Variants in ERGIC1 observed in about 807,000 individuals in gnomAD.
ERGIC1 encodes the protein endoplasmic reticulum-golgi intermediate compartment 1.
In ERGIC1, 19 loss-of-function variants were observed where a neutral mutation model predicts 38.3. The ratio of observed to expected loss-of-function variants is 0.50; its 90% confidence interval spans 0.35 to 0.73. ERGIC1 has a LOEUF of 0.73. ERGIC1 is among the 30% of genes least tolerant of loss of function. The probability of loss-of-function intolerance (pLI) is 0.01; values close to 1 mark genes in which losing one functional copy is unlikely to be tolerated. For synonymous variants in ERGIC1, 124 were observed against 157.6 expected (o/e 0.79, Z 1.60); for missense variants, 294 against 389.2 (o/e 0.76, Z 2.06).
chr5:172,849,221 C>G (rs1761346112), intron 1 of ERGIC1, among the ~76,000 whole-genome samples: 1 of 152,174 alleles, frequency 6.6e-6, no homozygotes, highest in African/African-American at 2.4e-5. Context: ...GTTAGATCAC[C>G]TAACCCTGGA....
intron 9 of ERGIC1, among the ~76,000 whole-genome samples, chr5:172,943,608 TC>T (rs1267316947): frequency 6.6e-6 from 1 of 152,186 alleles, no homozygotes; most frequent in Non-Finnish European, 1.5e-5. Flanking sequence ...GACAGTGTCA[TC>T]CCGGTCCCTG....
At chr5:172,880,029 C>T (rs1762242063) in intron 1 of ERGIC1, among the ~76,000 whole-genome samples, 2 of 152,184 alleles carry the variant, frequency 1.3e-5, no homozygotes, top group South Asian at 4.2e-4. Context: ...TATTTATTTA[C>T]TTTATTATTT....
At chr5:172,934,753 A>G (rs970657548) in intron 8 of ERGIC1, 12 of 231,268 alleles carry the variant, frequency 5.2e-5, no homozygotes, top group Non-Finnish European at 8.0e-5. Flanking sequence ...CCTCTGGGTA[A>G]AGGGCAGGAC....
At chr5:172,878,951 G>A (rs539087848) in intron 1 of ERGIC1, among the ~76,000 whole-genome samples, 1 of 152,278 alleles carries the variant, frequency 6.6e-6, no homozygotes, top group African/African-American at 2.4e-5. Context: ...TGGTGGCCAG[G>A]GCTGACCAGC....
Position 172,951,051 on chromosome 5 carries a change from C to A in ERGIC1, c.*235C>A. On this transcript the variant is annotated 3_prime_UTR_variant, in exon 10 of 10. Transcript: ENST00000393784. ...GCAGTTCCCCTTTCCCTGGGGAGCC[C>A]CAAGAACAGAGTCAGGCAAGGGGTG... The A allele has an allele frequency of 2.2e-6, 1 of 448,540 alleles. No individual in the cohort carries two copies. Among genetic ancestry groups the A allele is most frequent in the Non-Finnish European group, 4.0e-6 (1 of 250,422 alleles). The allele number at this position is 448,540 out of a possible 1,614,324, so 27.8% of individuals were successfully genotyped here.
chr5:172,861,192 C>T (rs1561705806), intron 1 of ERGIC1, among the ~76,000 whole-genome samples: 1 of 152,236 alleles, frequency 6.6e-6, no homozygotes, highest in Non-Finnish European at 1.5e-5. Flanking sequence ...CACACACCCA[C>T]CTCAGAGTCT....
chr5:172,935,216 G>A lies in ERGIC1; in HGVS notation c.671G>A (p.Arg224His), dbSNP rs1173451115. ...KEYVAYSHTG[R>H]IIPAIWFRYD... ...TACGTCGCCTACAGCCACACGGGCC[G>A]CATCATCCCTGCAATCTGGTTCCGC... Residue 224 changes from arginine (R) to histidine (H), a missense_variant, in exon 9 of 10, where the codon CGC becomes CAC. This residue lies in a region of ERGIC1 where 109 missense variants were observed against 112.7 expected (regional missense o/e 0.97). Coordinates refer to ENST00000393784, the MANE Select transcript of ERGIC1 (RefSeq NM_001031711.3). The A allele has an allele frequency of 8.7e-6, 14 of 1,614,104 alleles. No individual in the cohort carries two copies. The highest frequency in any genetic ancestry group is 1.1e-5 in the Non-Finnish European group (13 of 1,180,024).
chr5:172,914,871 G>A, intron 5 of ERGIC1, 33 bp downstream of exon 5: 1 of 1,613,652 alleles, frequency 6.2e-7, no homozygotes, highest in East Asian at 2.2e-5. Context: ...CTTTCTACCT[G>A]CTCCCCTTTC....
At chr5:172,867,276 A>G in intron 1 of ERGIC1, 1 of 432,330 alleles carries the variant, frequency 2.3e-6, no homozygotes, top group Non-Finnish European at 4.7e-6. Context: ...CCCTTTGGGT[A>G]CAGGCGGGGG....
rs1581583971 is a variant in ERGIC1, at chr5:172,932,594, G to A, written c.642+58G>A. The A allele has an allele frequency of 7.1e-5, 110 of 1,544,554 alleles. 7 individuals carry two copies. The South Asian group carries it at 1.2e-3, about 17-fold the overall frequency. The stretch of plus-strand genomic sequence containing the variant: ...CGGCGGCGCCCTCTGCTGACGGAGA[G>A]CAGAGATGACAGGCGGCTGCACCGA... On this transcript the variant is annotated intron_variant, in intron 8 of 9. Coordinates refer to ENST00000393784, the MANE Select transcript of ERGIC1 (RefSeq NM_001031711.3).
rs1561721904 is a variant in ERGIC1 at position 172,893,919 on chromosome 5, G to GTA, written c.83-3082_83-3081insAT. 4.8e-5 allele frequency among the ~76,000 whole-genome samples: 3 copies of GTA among 62,658 alleles called. 1 individual carries two copies. The highest frequency in any genetic ancestry group is 1.2e-3 in the East Asian group (2 of 1,670). The allele number at this position is 62,658 out of a possible 152,430, so 41.1% of individuals were successfully genotyped here. On this transcript the variant is annotated intron_variant, in intron 2 of 9. Coordinates refer to ENST00000393784, the MANE Select transcript of ERGIC1 (RefSeq NM_001031711.3). The stretch of plus-strand genomic sequence containing the variant: ...TATATATATATATGTGTGTGTGTGT[G>GTA]TGTGTGTGTGTGTGTGTATATATAT...
chr5:172,872,258 C>G (rs1421651096), intron 1 of ERGIC1, among the ~76,000 whole-genome samples: 1 of 152,182 alleles, frequency 6.6e-6, no homozygotes, highest in Non-Finnish European at 1.5e-5. Context: ...GTCACTGTCT[C>G]TACACAGTCT....
At position 172,846,084 on chromosome 5, in the gene ERGIC1, G is replaced by A. The variant is rs710111; in HGVS notation, c.20+11651G>A. Among the ~76,000 whole-genome samples, 322 of 152,132 alleles carry A rather than the reference G, an allele frequency of 2.1e-3. No individual in the cohort carries two copies. Among genetic ancestry groups the A allele is most frequent in the African/African-American group, 6.9e-3 (286 of 41,450 alleles). The stretch of plus-strand genomic sequence containing the variant: ...GGGGAAGCATCCCCAGAGGTGAAGC[G>A]CCCTTCTCAGCACATCCCATGGGGG... On this transcript the variant is annotated intron_variant, in intron 1 of 9. Coordinates refer to ENST00000393784, the MANE Select transcript of ERGIC1 (RefSeq NM_001031711.3). The surrounding 1 kb of genome is among the most constrained non-coding windows in gnomAD (Gnocchi z 4.0).
At chr5:172,896,397 T>C (rs1762722704) in intron 2 of ERGIC1, among the ~76,000 whole-genome samples, 1 of 152,222 alleles carries the variant, frequency 6.6e-6, no homozygotes, top group African/African-American at 2.4e-5. Context: ...ATTTCTTCTC[T>C]TGAAGCACCG....
rs1467081707 is a variant in ERGIC1 at position 172,909,677 on chromosome 5, C to A, written c.166C>A (p.Leu56Ile). The A allele has an allele frequency of 6.2e-7, 1 of 1,614,054 alleles. No individual in the cohort carries two copies. Among genetic ancestry groups the A allele is most frequent in the Non-Finnish European group, 8.5e-7 (1 of 1,180,012 alleles). The change falls in exon 4 of 10, where the codon CTC (leucine) becomes ATC (isoleucine). Residue 56 changes from leucine to isoleucine, a missense_variant. This residue lies in a region of ERGIC1 where 163 missense variants were observed against 225.8 expected (regional missense o/e 0.72). Transcript: ENST00000393784. ...GFITTEVVNE[L>I]YVDDPDKDSG... Reference sequence around the variant, plus strand: ...TTGTCTTTCCCCTAGTGTGAACGAGCTCTATGTCGATGACCCAGACAAGGA... The same window carrying A: ...TTGTCTTTCCCCTAGTGTGAACGAGATCTATGTCGATGACCCAGACAAGGA...
At chr5:172,920,980 A>C (rs1446353509) in intron 5 of ERGIC1, among the ~76,000 whole-genome samples, 1 of 152,232 alleles carries the variant, frequency 6.6e-6, no homozygotes, top group Non-Finnish European at 1.5e-5. Flanking sequence ...GTTAAAACCC[A>C]CAGTGGGCTT....
chr5:172,861,532 T>C (rs1049963317), intron 1 of ERGIC1, among the ~76,000 whole-genome samples: 6 of 152,208 alleles, frequency 3.9e-5, no homozygotes, highest in African/African-American at 1.4e-4. Context: ...GTTGGCTGAA[T>C]GAATGAACCT....
chr5:172,886,066 C>T (rs1175010554), intron 1 of ERGIC1, among the ~76,000 whole-genome samples: 1 of 152,076 alleles, frequency 6.6e-6, no homozygotes, highest in African/African-American at 2.4e-5. Context: ...TCCCTCTCCC[C>T]ACCCCTACCT....
chr5:172,901,203 A>G (rs1017009093), intron 3 of ERGIC1, among the ~76,000 whole-genome samples: 1 of 152,188 alleles, frequency 6.6e-6, no homozygotes, highest in Non-Finnish European at 1.5e-5. Context: ...GCCTGTGGTT[A>G]TCAGTGACAT....
Sources: gnomAD v4.1 joint callset for allele counts (sites outside exome capture counted in the v4.1 genomes callset) on GRCh38, gnomAD v4.1.1 for gene constraint, gnomAD v4.1.1 regional missense constraint, Gnocchi (gnomAD v3.1) non-coding constraint, MANE v1.5 for transcripts, NCBI Gene and HGNC (gene_info 2026-07-23, HGNC 2026-07-21) for gene names.